The following TBC1D19 variants were observed in gnomAD, a reference collection of about 807,000 sequenced individuals.
TBC1D19 encodes TBC1 domain family member 19.
TBC1D19 carries 60 observed loss-of-function variants against 89.0 expected under a neutral mutation model. The ratio of observed to expected loss-of-function variants is 0.67; its 90% CI spans 0.55 to 0.84. The LOEUF is 0.84. TBC1D19 is among the 40% of genes least tolerant of loss of function. The pLI, the probability that TBC1D19 is intolerant of heterozygous loss-of-function variation, is 0.00. For missense variants in TBC1D19, 500 were observed against 610.8 expected, an observed-to-expected ratio of 0.82 and a Z score of 1.91; for synonymous variants, 189 against 199.7, an observed-to-expected ratio of 0.95 and a Z score of 0.45.
downstream of TBC1D19, among the ~76,000 whole-genome samples, chr4:26,757,810 A>G (rs945044969): frequency 1.1e-4 from 16 of 152,188 alleles, no homozygotes; most frequent in African/African-American, 3.9e-4. Context: ...AGTCTAGTCT[A>G]GTCTAGTCCT....
intron 5 of TBC1D19, among the ~76,000 whole-genome samples, chr4:26,638,322 A>G (rs1743266143): frequency 6.6e-6 from 1 of 150,588 alleles, no homozygotes; most frequent in Non-Finnish European, 1.5e-5. Flanking sequence ...AAAAAGGGAT[A>G]CATTTATATT....
the TBC1D19 span, among the ~76,000 whole-genome samples, chr4:26,770,014 A>G: frequency 6.6e-6 from 1 of 152,068 alleles, no homozygotes; most frequent in Non-Finnish European, 1.5e-5. Flanking sequence ...TGTTTTCAAA[A>G]GATGGTGTAA....
At chr4:26,758,391 C>T (rs142158363), downstream of TBC1D19, among the ~76,000 whole-genome samples, 103 of 152,266 alleles carry the variant, frequency 6.8e-4, no homozygotes, top group African/African-American at 2.4e-3. Flanking sequence ...AGTCTTCCTT[C>T]TTCCACAAAT....
At chr4:26,773,579 T>C in the TBC1D19 span, among the ~76,000 whole-genome samples, 1 of 152,222 alleles carries the variant, frequency 6.6e-6, no homozygotes, top group African/African-American at 2.4e-5. Flanking sequence ...GATTTTCTTC[T>C]AGGGTTTTTA....
At chr4:26,582,281 C>T (rs536371412), upstream of TBC1D19, among the ~76,000 whole-genome samples, 5 of 152,138 alleles carry the variant, frequency 3.3e-5, no homozygotes, top group African/African-American at 1.2e-4. Flanking sequence ...GGATATTTTA[C>T]ACTCTTGATA....
intron 18 of TBC1D19, among the ~76,000 whole-genome samples, chr4:26,744,845 G>A (rs774447962): frequency 2.0e-4 from 31 of 152,030 alleles, no homozygotes; most frequent in South Asian, 1.2e-3. Flanking sequence ...TGCAAGTATC[G>A]GGCAGAATGT....
the TBC1D19 span, among the ~76,000 whole-genome samples, chr4:26,778,373 G>A: frequency 6.7e-6 from 1 of 150,028 alleles, no homozygotes; most frequent in African/African-American, 2.5e-5. Flanking sequence ...CCAAGATCGT[G>A]CCACTGCACT....
chr4:26,814,599 G>T, the TBC1D19 span, among the ~76,000 whole-genome samples: 1 of 152,222 alleles, frequency 6.6e-6, no homozygotes, highest in Admixed American at 6.5e-5. Flanking sequence ...CAGTGCTTTA[G>T]TCTTATACTG....
At position 26,635,920 on chromosome 4, in the gene TBC1D19, A is replaced by G. The variant is rs76492580; in HGVS notation, c.295-1291A>G. On this transcript the variant is annotated intron_variant, in intron 4 of 20. Transcript: ENST00000264866. Reference sequence around the variant, plus strand: ...GTTGAGCTTGGAGAGCAAATTTCAGATAAAGACTAATGTATTTGAATGTGT... The same window carrying G: ...GTTGAGCTTGGAGAGCAAATTTCAGGTAAAGACTAATGTATTTGAATGTGT... 1.8e-4 allele frequency among the ~76,000 whole-genome samples: 28 copies of G among 152,260 alleles called. No homozygotes were observed. The East Asian group carries it at 4.4e-3, about 24-fold the overall frequency.
chr4:26,739,015 A>G (rs981330550), intron 16 of TBC1D19, among the ~76,000 whole-genome samples: 1 of 152,130 alleles, frequency 6.6e-6, no homozygotes, highest in African/African-American at 2.4e-5. Context: ...TTTTTTATTA[A>G]AATTAATATT....
chr4:26,827,085 T>C, the TBC1D19 span, among the ~76,000 whole-genome samples: 1 of 152,222 alleles, frequency 6.6e-6, no homozygotes, highest in Non-Finnish European at 1.5e-5. Context: ...CTTTTAACCA[T>C]GATAGCTTGG....
intron 13 of TBC1D19, among the ~76,000 whole-genome samples, chr4:26,717,690 C>T (rs1030221473): frequency 6.6e-6 from 1 of 152,034 alleles, no homozygotes; most frequent in African/African-American, 2.4e-5. Flanking sequence ...AGAGAAGAGT[C>T]AACTGTTAGT....
chr4:26,826,800 C>T, the TBC1D19 span, among the ~76,000 whole-genome samples: 7 of 152,178 alleles, frequency 4.6e-5, no homozygotes, highest in African/African-American at 9.6e-5. Flanking sequence ...ATAATGGTTC[C>T]GGGTGTGGGT....
intron 15 of TBC1D19, among the ~76,000 whole-genome samples, chr4:26,724,426 C>T (rs993588619): frequency 3.9e-5 from 6 of 152,050 alleles, no homozygotes; most frequent in South Asian, 4.2e-4. Context: ...TGTCCCCCTC[C>T]CCAAGAATTC....
At chr4:26,817,290 C>T in the TBC1D19 span, among the ~76,000 whole-genome samples, 13 of 152,182 alleles carry the variant, frequency 8.5e-5, no homozygotes, top group Non-Finnish European at 1.9e-4. Flanking sequence ...CTCCCGCACC[C>T]CGCCGGCAGC....
chr4:26,799,497 C>G, the TBC1D19 span, among the ~76,000 whole-genome samples: 1 of 152,142 alleles, frequency 6.6e-6, no homozygotes, highest in African/African-American at 2.4e-5. Context: ...CTAAGTCCTA[C>G]GATCTGAATT....
intron 19 of TBC1D19, among the ~76,000 whole-genome samples, chr4:26,752,573 C>T (rs531775484): frequency 6.6e-6 from 1 of 152,204 alleles, no homozygotes; most frequent in African/African-American, 2.4e-5. Flanking sequence ...CATTAATTTC[C>T]TAAACTTCAA....
chr4:26,766,442 C>T, the TBC1D19 span, among the ~76,000 whole-genome samples: 4 of 152,290 alleles, frequency 2.6e-5, no homozygotes, highest in East Asian at 5.8e-4. Flanking sequence ...TTCCAGACTT[C>T]TCTTACCAAT....
the TBC1D19 span, among the ~76,000 whole-genome samples, chr4:26,804,606 CG>C: frequency 6.3e-3 from 952 of 152,250 alleles, 14 homozygotes; most frequent in African/African-American, 0.022. Context: ...GAGGTCCTCA[CG>C]CCGCAGGCCC....
Sources: allele counts gnomAD v4.1 joint callset (sites outside exome capture counted in the v4.1 genomes callset), GRCh38; gene constraint gnomAD v4.1.1; transcripts MANE v1.5; gene names NCBI Gene and HGNC (gene_info 2026-07-23, HGNC 2026-07-21).